The following FBXL20 variants were observed in gnomAD, a reference collection of about 807,000 sequenced individuals.
FBXL20 encodes the protein F-box/LRR-repeat protein 20.
Under a neutral mutation model 64.0 loss-of-function variants are expected in FBXL20, and 11 were observed. The observed-to-expected ratio is 0.17, with a 90% confidence interval of 0.11 to 0.28. FBXL20 has a LOEUF of 0.28. FBXL20 is among the 10% of genes least tolerant of loss of function. The probability of loss-of-function intolerance (pLI) is 1.00; values close to 1 mark genes in which losing one functional copy is unlikely to be tolerated. For missense variants in FBXL20, 303 were observed against 526.2 expected, an observed-to-expected ratio of 0.58 and a Z score of 4.15; for synonymous variants, 184 against 189.0, an observed-to-expected ratio of 0.97 and a Z score of 0.22.
chr17:39,280,106 G>A (rs1389376415), intron 9 of FBXL20, among the ~76,000 whole-genome samples: 2 of 151,858 alleles, frequency 1.3e-5, no homozygotes, highest in African/African-American at 4.8e-5. Context: ...GTGGTGACGG[G>A]CGCTTGTAAT....
Position 39,318,468 on chromosome 17 carries a change from C to T in FBXL20, c.105-14829G>A, listed in dbSNP as rs538606350. Among the ~76,000 whole-genome samples, 24 of 152,248 alleles carry T rather than the reference C, an allele frequency of 1.6e-4. 1 individual carries two copies. The South Asian group carries it at 4.1e-3, about 26-fold the overall frequency. On this transcript the variant is annotated intron_variant, in intron 2 of 14. Coordinates refer to ENST00000264658, the MANE Select transcript of FBXL20 (RefSeq NM_032875.3). ...TTAAAAAAACAAAACAGGCCAGGCA[C>T]GGTGGCTCACGCCTGTAATCCCAGC...
At chr17:39,313,325 G>A (rs1454416546) in intron 2 of FBXL20, among the ~76,000 whole-genome samples, 4 of 147,182 alleles carry the variant, frequency 2.7e-5, no homozygotes, top group African/African-American at 7.5e-5. Flanking sequence ...CCTCCACCTC[G>A]CTAGTTCAAG....
chr17:39,374,899 G>A (rs1164641225), intron 1 of FBXL20, among the ~76,000 whole-genome samples: 1 of 152,016 alleles, frequency 6.6e-6, no homozygotes, highest in African/African-American at 2.4e-5. Flanking sequence ...CAATTCTCCT[G>A]CCTCAGCCTC....
At chr17:39,387,539 A>G (rs7208714) in intron 1 of FBXL20, among the ~76,000 whole-genome samples, 47,899 of 150,858 alleles carry the variant, frequency 0.32, 8,443 homozygotes, top group African/African-American at 0.48. Context: ...TCGGCCTCCC[A>G]AAGTGCTGGG....
chr17:39,306,858 A>G (rs541769406), intron 2 of FBXL20, among the ~76,000 whole-genome samples: 36 of 152,324 alleles, frequency 2.4e-4, no homozygotes, highest in African/African-American at 8.7e-4. Flanking sequence ...AATAAATTAA[A>G]TAAGCTGGGA....
chr17:39,399,512 C>G (rs1044221823), intron 1 of FBXL20, among the ~76,000 whole-genome samples: 1 of 152,150 alleles, frequency 6.6e-6, no homozygotes, highest in African/African-American at 2.4e-5. Flanking sequence ...TCTAGCCATT[C>G]TCATCTGTAT....
At chr17:39,317,943 C>T (rs9747342) in intron 2 of FBXL20, among the ~76,000 whole-genome samples, 48,216 of 150,968 alleles carry the variant, frequency 0.32, 8,540 homozygotes, top group African/African-American at 0.48. Flanking sequence ...CCTAGTGATC[C>T]GCCCTCCTCG....
chr17:39,402,264 G>C (rs1228446203), upstream of FBXL20: 2 of 1,072,424 alleles, frequency 1.9e-6, no homozygotes, highest in Admixed American at 1.2e-4. Context: ...CAGTGCGGCT[G>C]CCGCCGCGCC....
intron 1 of FBXL20, among the ~76,000 whole-genome samples, chr17:39,380,840 C>T (rs1034960046): frequency 6.6e-6 from 1 of 152,100 alleles, no homozygotes; most frequent in Non-Finnish European, 1.5e-5. Flanking sequence ...GAAAACTCAC[C>T]TGTACTACCA....
At chr17:39,265,357 A>T (rs749607341) in intron 13 of FBXL20, 40 bp downstream of exon 13, 1 of 1,510,362 alleles carries the variant, frequency 6.6e-7, no homozygotes, top group South Asian at 1.1e-5. Flanking sequence ...GCTTTTGATT[A>T]AACCCAGTAA....
At chr17:39,307,765 T>A (rs977693383) in intron 2 of FBXL20, among the ~76,000 whole-genome samples, 2 of 150,904 alleles carry the variant, frequency 1.3e-5, no homozygotes, top group Non-Finnish European at 3.0e-5. Context: ...GAGGTCAGGA[T>A]TCCAAGACTA....
intron 2 of FBXL20, among the ~76,000 whole-genome samples, chr17:39,310,760 T>C (rs954423559): frequency 2.0e-5 from 3 of 151,926 alleles, no homozygotes; most frequent in African/African-American, 7.3e-5. Flanking sequence ...CCAAGGTGGA[T>C]GGATCACTTG....
chr17:39,349,499 G>A (rs1265593082), intron 1 of FBXL20, among the ~76,000 whole-genome samples: 7 of 151,452 alleles, frequency 4.6e-5, no homozygotes, highest in East Asian at 1.9e-4. Context: ...GAGGCAGGAG[G>A]ATAGCTTGAG....
intron 1 of FBXL20, among the ~76,000 whole-genome samples, chr17:39,387,081 T>C (rs1412093462): frequency 6.6e-6 from 1 of 152,214 alleles, no homozygotes; most frequent in Non-Finnish European, 1.5e-5. Flanking sequence ...CAGTGGAAAC[T>C]GCAATGAGTA....
At chr17:39,372,319 G>A (rs1390853420) in intron 1 of FBXL20, among the ~76,000 whole-genome samples, 2 of 151,664 alleles carry the variant, frequency 1.3e-5, no homozygotes, top group South Asian at 2.1e-4. Context: ...AAGAGATGGA[G>A]ACCATCCTGG....
At chr17:39,381,708 T>C (rs940312411) in intron 1 of FBXL20, among the ~76,000 whole-genome samples, 2 of 148,716 alleles carry the variant, frequency 1.3e-5, no homozygotes, top group African/African-American at 2.5e-5. Flanking sequence ...GGAAGATTAC[T>C]GGAGCGGTGG....
intron 1 of FBXL20, among the ~76,000 whole-genome samples, chr17:39,350,784 T>C (rs2047680581): frequency 6.6e-6 from 1 of 152,124 alleles, no homozygotes; most frequent in African/African-American, 2.4e-5. Flanking sequence ...AGCAGGAGTA[T>C]CAGCATCAAC....
chr17:39,336,999 CTCTCCCTCTCTTTCCACCG>C (rs1315249526), intron 2 of FBXL20, among the ~76,000 whole-genome samples: 1 of 151,970 alleles, frequency 6.6e-6, no homozygotes, highest in Admixed American at 6.6e-5. Flanking sequence ...CACGGTCTTC[CTCTCCCTCTCTTTCCACCG>C]TCTCCCTCTG....
At chr17:39,297,047 A>C in intron 6 of FBXL20, 80 bp downstream of exon 6, 2 of 900,298 alleles carry the variant, frequency 2.2e-6, no homozygotes, top group Non-Finnish European at 3.3e-6. Context: ...TGCTCAATAG[A>C]GTTAATGGCC....
Sources: allele counts gnomAD v4.1 joint callset (sites outside exome capture counted in the v4.1 genomes callset), GRCh38; gene constraint gnomAD v4.1.1; transcripts MANE v1.5; gene names NCBI Gene and HGNC (gene_info 2026-07-23, HGNC 2026-07-21).